RET: variants seen among roughly 807,000 people sequenced by gnomAD.
RET encodes the protein ret proto-oncogene, also known as proto-oncogene tyrosine-protein kinase receptor Ret.
Under a neutral mutation model 118.3 loss-of-function variants are expected in RET, and 19 were observed. The ratio of observed to expected loss-of-function variants is 0.16; its 90% CI spans 0.11 to 0.24. The LOEUF (loss-of-function observed/expected upper bound fraction) is 0.24, where lower values mean the gene tolerates loss of function less well. RET is among the 10% of genes least tolerant of loss of function. The pLI, the probability that RET is intolerant of heterozygous loss-of-function variation, is 1.00. For synonymous variants in RET, 597 were observed against 644.1 expected, an observed-to-expected ratio of 0.93 and a Z score of 1.11; for missense variants, 1,219 against 1,502.1, an observed-to-expected ratio of 0.81 and a Z score of 3.12.
rs147216744 is a variant in RET at position 43,116,629 on chromosome 10, A to G, written c.2182A>G (p.Lys728Glu). ...EFPRKNLVLGKTLGEGEFGKV... is the reference protein window; with the variant it reads ...EFPRKNLVLGETLGEGEFGKV... Reference sequence around the variant, plus strand: ...CCCTCGGAAGAACTTGGTTCTTGGAAAAACTCTAGGAGAAGGCGAATTTGG... The same window carrying G: ...CCCTCGGAAGAACTTGGTTCTTGGAGAAACTCTAGGAGAAGGCGAATTTGG... The change falls in exon 12 of 20, where the codon AAA becomes GAA. Residue 728 changes from lysine (K) to glutamate (E), a missense_variant. Around this residue, in one of 5 missense-constraint regions of RET, gnomAD observed 850 missense variants for 969.6 expected, o/e 0.88. Coordinates refer to ENST00000355710, the MANE Select transcript of RET (RefSeq NM_020975.6). 1.2e-6 allele frequency: 2 copies of G among 1,614,114 alleles called. No homozygotes were observed. Among genetic ancestry groups the G allele is most frequent in the African/African-American group, 1.3e-5 (1 of 74,940 alleles).
At position 43,106,288 on chromosome 10, in the gene RET, G is replaced by A; in HGVS notation, c.868-88G>A. 1 of 1,273,216 alleles carries A rather than the reference G, an allele frequency of 7.9e-7. No homozygotes were observed. Among genetic ancestry groups the A allele is most frequent in the Non-Finnish European group, 1.1e-6 (1 of 896,184 alleles). 78.9% of individuals were successfully genotyped at this position (1,273,216 alleles called of 1,614,324 possible). On this transcript the variant is annotated intron_variant, in intron 4 of 19. Transcript: ENST00000355710. The surrounding 1 kb of genome is among the most constrained non-coding windows in gnomAD (Gnocchi z 5.1). The stretch of plus-strand genomic sequence containing the variant: ...ATCTGGTCCACCTATGGGCTGTGTG[G>A]GACGTGCAGCATTCTAAGGTCTCTG...
intron 1 of RET, among the ~76,000 whole-genome samples, chr10:43,081,849 C>T (rs1388374921): frequency 6.6e-6 from 1 of 152,220 alleles, no homozygotes; most frequent in African/African-American, 2.4e-5. Context: ...TTCTTTGTCC[C>T]CTGAGGCAGG....
intron 1 of RET, among the ~76,000 whole-genome samples, chr10:43,088,278 G>A (rs1453060753): frequency 6.8e-6 from 1 of 147,428 alleles, no homozygotes; most frequent in Non-Finnish European, 1.5e-5. Context: ...TAGTGAAGGT[G>A]ATGGTGAAGG....
In RET at chr10:43,102,447, CCTT is replaced by C. The variant is rs776989694; in HGVS notation, c.448_450del (p.Phe150del). ...CCAGGCTGTGCCCGCGTATACTTCTCCTTCTTCAACACCTCCTTTCCAGCCTGC... is the reference window on the plus strand; with the variant it reads ...CCAGGCTGTGCCCGCGTATACTTCTCCTTCAACACCTCCTTTCCAGCCTGC... On this transcript the variant is annotated inframe_deletion, in exon 3 of 20. Transcript: ENST00000355710. 3 of 1,614,134 alleles carry C rather than the reference CCTT, an allele frequency of 1.9e-6. No individual in the cohort carries two copies. The highest frequency in any genetic ancestry group is 1.1e-5 in the South Asian group (1 of 91,090).
At chr10:43,093,629 G>A (rs1006326040) in intron 1 of RET, among the ~76,000 whole-genome samples, 1 of 152,192 alleles carries the variant, frequency 6.6e-6, no homozygotes, top group Non-Finnish European at 1.5e-5. Flanking sequence ...CCGAGGGGGT[G>A]AGCAGCCTCG....
chr10:43,129,711 C>G lies in RET; in HGVS notation c.*1442C>G, dbSNP rs762590499. 35 of 365,566 alleles carry G rather than the reference C, an allele frequency of 9.6e-5. No homozygotes were observed. The highest frequency in any genetic ancestry group is 1.5e-4 in the Non-Finnish European group (31 of 205,812). The allele number at this position is 365,566 out of a possible 1,614,324, so 22.6% of individuals were successfully genotyped here. Reference sequence around the variant, plus strand: ...TACTGTATTTTATATAGGCATTTCACAAAAACAGCAAAATTGTGGCATTTT... The same window carrying G: ...TACTGTATTTTATATAGGCATTTCAGAAAAACAGCAAAATTGTGGCATTTT... On this transcript the variant is annotated 3_prime_UTR_variant, in exon 20 of 20. Coordinates refer to ENST00000355710, the MANE Select transcript of RET (RefSeq NM_020975.6).
chr10:43,127,891 T>C (rs1458640641), intron 19 of RET, among the ~76,000 whole-genome samples: 3 of 152,180 alleles, frequency 2.0e-5, no homozygotes, highest in African/African-American at 2.4e-5. Context: ...AAAGTCAAAA[T>C]TGGTAGTGTC....
At chr10:43,096,042 G>A (rs539269180) in intron 1 of RET, among the ~76,000 whole-genome samples, 137 of 152,334 alleles carry the variant, frequency 9.0e-4, no homozygotes, top group Non-Finnish European at 1.6e-3. Context: ...AGTACAGGGT[G>A]GGCCCAGCCC....
At chr10:43,126,783 C>T in intron 19 of RET, 61 bp downstream of exon 19, 4 of 1,593,806 alleles carry the variant, frequency 2.5e-6, no homozygotes, top group Non-Finnish European at 3.4e-6. Context: ...ACTATCCTTC[C>T]TCTCTGTGAT....
chr10:43,104,116 G>A (rs375249245), intron 3 of RET, among the ~76,000 whole-genome samples: 9 of 152,176 alleles, frequency 5.9e-5, no homozygotes, highest in East Asian at 3.8e-4. Flanking sequence ...CCAGCCTGGC[G>A]ACGCACTGGA....
chr10:43,113,527 G>A (rs1837989422), intron 9 of RET, 29 bp from the exon 10 acceptor site: 3 of 1,590,296 alleles, frequency 1.9e-6, no homozygotes, highest in Non-Finnish European at 2.6e-6. Context: ...GGCGCCCCAG[G>A]AGGCTGAGTG....
chr10:43,091,114 C>G (rs1019363262), intron 1 of RET, among the ~76,000 whole-genome samples: 1 of 151,964 alleles, frequency 6.6e-6, no homozygotes, highest in African/African-American at 2.4e-5. Context: ...TGGGATCCCC[C>G]TATAAAAACC....
intron 18 of RET, among the ~76,000 whole-genome samples, chr10:43,126,318 C>T (rs1838327832): frequency 6.6e-6 from 1 of 152,214 alleles, no homozygotes; most frequent in South Asian, 2.1e-4. Flanking sequence ...TTTCTTTCCC[C>T]AGGGAGGTGA....
rs753446269 is a variant in RET, at chr10:43,119,562, A to C, written c.2424A>C (p.Lys808Asn). 3 of 1,609,408 alleles carry C rather than the reference A, an allele frequency of 1.9e-6. No homozygotes were observed. The South Asian group carries it at 3.3e-5, about 18-fold the overall frequency. ...GPLLLIVEYA[K>N]YGSLRGFLRE... ...TCCTCCTCATCGTGGAGTACGCCAA[A>C]TACGGCTCCCTGCGGGGCTTCCTCC... The change falls in exon 14 of 20, where the codon AAA (lysine) becomes AAC (asparagine). Residue 808 changes from lysine (K) to asparagine (N), a missense_variant. By Grantham distance (94) the Lys-to-Asn change is moderately conservative (BLOSUM62 0). Coordinates refer to ENST00000355710, the MANE Select transcript of RET (RefSeq NM_020975.6).
chr10:43,114,680 C>T lies in RET; in HGVS notation c.2080C>T (p.Arg694Trp), dbSNP rs193922700. ...PVSYSSSGAR[R>W]PSLDSMENQV... ...CAGCTACTCCTCTTCCGGTGCCCGC[C>T]GGCCCTCGCTGGACTCCATGGAGAA... is the stretch of plus-strand genomic sequence containing the variant. The change falls in exon 11 of 20, where the codon CGG becomes TGG. Residue 694 changes from arginine to tryptophan, a missense_variant. Transcript: ENST00000355710. This position sits in a 1 kb window ranked among gnomAD's most constrained non-coding sequence, Gnocchi z 4.6. The T allele has an allele frequency of 4.3e-6, 7 of 1,612,386 alleles. No homozygotes were observed. The highest frequency in any genetic ancestry group is 2.2e-5 in the East Asian group (1 of 44,862).
In RET at chr10:43,102,436, C is replaced by T. The variant is rs756999107; in HGVS notation, c.432C>T (p.Arg144=). ...EGECQWPGCA[R]VYFSFFNTSF... ...AGTGCCAGTGGCCAGGCTGTGCCCG[C>T]GTATACTTCTCCTTCTTCAACACCT... Residue 144 remains arginine, a synonymous_variant, in exon 3 of 20, where the codon CGC becomes CGT. Transcript: ENST00000355710. 18 of 1,614,140 alleles carry T rather than the reference C, an allele frequency of 1.1e-5. No individual in the cohort carries two copies. Among genetic ancestry groups the T allele is most frequent in the African/African-American group, 1.3e-5 (1 of 74,954 alleles).
chr10:43,077,072 C>A lies in RET; in HGVS notation c.-187C>A, dbSNP rs886046983. ...CAGCCGGCGCTTACCTCGCTTCAGTCCCGCGACCGAAGCAGGGCGCGCAGC... is the reference window on the plus strand; with the variant it reads ...CAGCCGGCGCTTACCTCGCTTCAGTACCGCGACCGAAGCAGGGCGCGCAGC... On this transcript the variant is annotated 5_prime_UTR_variant, in exon 1 of 20. Coordinates refer to ENST00000355710, the MANE Select transcript of RET (RefSeq NM_020975.6). 1 of 846,156 alleles carries A rather than the reference C, an allele frequency of 1.2e-6. No homozygotes were observed. Among genetic ancestry groups the A allele is most frequent in the Non-Finnish European group, 1.5e-6 (1 of 648,898 alleles). The allele number at this position is 846,156 out of a possible 1,614,324, so 52.4% of individuals were successfully genotyped here.
chr10:43,092,500 A>C (rs1837431260), intron 1 of RET, among the ~76,000 whole-genome samples: 1 of 152,260 alleles, frequency 6.6e-6, no homozygotes, highest in Non-Finnish European at 1.5e-5. Flanking sequence ...AACTTTTTAA[A>C]ACTAGAATCT....
chr10:43,124,872 C>T lies in RET; in HGVS notation c.2940-11C>T. On this transcript the variant is annotated splice_polypyrimidine_tract_variant and intron_variant, in intron 17 of 19. Transcript: ENST00000355710. ...CTTGGATCATATTGGCCTGTCTGCT[C>T]TTCCCACCAGGTACCGCCTGATGCT... 1 of 1,613,556 alleles carries T rather than the reference C, an allele frequency of 6.2e-7. No individual in the cohort carries two copies. The highest frequency in any genetic ancestry group is 8.5e-7 in the Non-Finnish European group (1 of 1,179,920).
Sources: allele counts gnomAD v4.1 joint callset (sites outside exome capture counted in the v4.1 genomes callset), GRCh38; gene constraint gnomAD v4.1.1; regional missense constraint gnomAD v4.1.1; non-coding constraint Gnocchi (gnomAD v3.1); transcripts MANE v1.5; gene names NCBI Gene and HGNC (gene_info 2026-07-23, HGNC 2026-07-21).